The following GPR89A variants were observed in gnomAD, a reference collection of about 807,000 sequenced individuals.
GPR89A encodes G protein-coupled receptor 89A.
In GPR89A, 16 loss-of-function variants were observed where a neutral mutation model predicts 52.0. The observed-to-expected ratio is 0.31, with a 90% CI of 0.21 to 0.47. The LOEUF is 0.47. GPR89A is among the 20% of genes least tolerant of loss of function. The pLI, the probability that GPR89A is intolerant of heterozygous loss-of-function variation, is 1.00. For synonymous variants in GPR89A, 55 were observed against 150.9 expected (o/e 0.36, Z 4.66); for missense variants, 135 against 449.4 (o/e 0.30, Z 6.33).
intron 7 of GPR89A, among the ~76,000 whole-genome samples, chr1:145,637,806 C>A (rs1255869997): frequency 7.2e-5 from 11 of 152,136 alleles, no homozygotes; most frequent in African/African-American, 2.7e-4. Flanking sequence ...AGACTGAAAA[C>A]TACAGTAACA....
intron 10 of GPR89A, among the ~76,000 whole-genome samples, chr1:145,649,333 T>A (rs1336368079): frequency 2.0e-5 from 3 of 152,194 alleles, no homozygotes; most frequent in Non-Finnish European, 4.4e-5. Flanking sequence ...CGACTGCCAA[T>A]CTGCCTTCTC....
chr1:145,668,701 T>C, intron 12 of GPR89A, among the ~76,000 whole-genome samples: 1 of 152,126 alleles, frequency 6.6e-6, no homozygotes, highest in Non-Finnish European at 1.5e-5. Flanking sequence ...TGATATTGGC[T>C]GTGGGTTTGT....
At chr1:145,609,326 A>G (rs1648085683) in intron 1 of GPR89A, among the ~76,000 whole-genome samples, 1 of 152,240 alleles carries the variant, frequency 6.6e-6, no homozygotes, top group African/African-American at 2.4e-5. Context: ...CTTGTTTACA[A>G]TATTTAAGAA....
intron 3 of GPR89A, among the ~76,000 whole-genome samples, chr1:145,619,096 A>G (rs587671574): frequency 6.6e-6 from 1 of 152,256 alleles, no homozygotes; most frequent in South Asian, 2.1e-4. Flanking sequence ...TTTTATCACC[A>G]CCTGGAAAAA....
intron 10 of GPR89A, among the ~76,000 whole-genome samples, chr1:145,660,227 G>A (rs1652100684): frequency 6.6e-6 from 1 of 152,110 alleles, no homozygotes; most frequent in African/African-American, 2.4e-5. Flanking sequence ...AATAAATGGT[G>A]CTGGGAAAAC....
intron 8 of GPR89A, chr1:145,645,020 A>G (rs1650886603): frequency 6.6e-6 from 1 of 152,422 alleles, no homozygotes; most frequent in African/African-American, 2.4e-5. Flanking sequence ...TGTCAAATGA[A>G]GATAAGAATA....
chr1:145,613,433 T>G (rs1371198581), intron 1 of GPR89A, among the ~76,000 whole-genome samples: 1 of 152,190 alleles, frequency 6.6e-6, no homozygotes, highest in Non-Finnish European at 1.5e-5. Context: ...TCTACACTGT[T>G]GTTTCCTTCA....
At chr1:145,610,006 T>C (rs1648141037) in intron 1 of GPR89A, among the ~76,000 whole-genome samples, 2 of 152,186 alleles carry the variant, frequency 1.3e-5, no homozygotes, top group Admixed American at 1.3e-4. Context: ...TTCTTGGCAT[T>C]TATTACTATG....
intron 5 of GPR89A, among the ~76,000 whole-genome samples, chr1:145,626,947 T>TC (rs1306988466): frequency 0.95 from 98,563 of 103,282 alleles, 47,272 homozygotes; most frequent in Non-Finnish European, 0.99. Flanking sequence ...AGCGAGACTC[T>TC]ACAAAAAAAA....
At chr1:145,655,498 T>G (rs1315423743) in intron 10 of GPR89A, among the ~76,000 whole-genome samples, 4 of 152,154 alleles carry the variant, frequency 2.6e-5, no homozygotes, top group African/African-American at 9.7e-5. Context: ...GGTCTTTTTT[T>G]GTTGATGTTG....
intron 11 of GPR89A, among the ~76,000 whole-genome samples, chr1:145,664,732 C>CTT (rs1652441534): frequency 6.8e-6 from 1 of 146,748 alleles, no homozygotes; most frequent in African/African-American, 2.5e-5. Flanking sequence ...TTTAGCAATG[C>CTT]TTTTGCTTTT....
chr1:145,617,328 TG>T (rs1648782313), intron 2 of GPR89A, among the ~76,000 whole-genome samples: 1 of 152,208 alleles, frequency 6.6e-6, no homozygotes, highest in Non-Finnish European at 1.5e-5. Context: ...TATCTTTCCG[TG>T]TTCCCTGAAA....
intron 8 of GPR89A, chr1:145,645,360 T>A: frequency 2.9e-6 from 1 of 342,068 alleles, no homozygotes; most frequent in Non-Finnish European, 5.7e-6. Flanking sequence ...AGTATGTGCT[T>A]CTATTTTAGA....
intron 12 of GPR89A, among the ~76,000 whole-genome samples, chr1:145,667,552 C>A (rs1156883648): frequency 6.6e-6 from 1 of 152,136 alleles, no homozygotes; most frequent in East Asian, 1.9e-4. Flanking sequence ...GTTTCTTTTG[C>A]TGTGCAGAAG....
chr1:145,632,429 C>A (rs1649944541), intron 7 of GPR89A, among the ~76,000 whole-genome samples: 1 of 151,986 alleles, frequency 6.6e-6, no homozygotes, highest in Admixed American at 6.6e-5. Context: ...CCTCTGGTAA[C>A]CATCATTCTA....
chr1:145,615,136 T>C lies in GPR89A; in HGVS notation c.43-1098T>C, dbSNP rs1648579258. ...TCATGTGGCTACGGTCTCTGCCAGT[T>C]TGAAACAAAACTGACGAAAGAGGGA... On this transcript the variant is annotated intron_variant, in intron 1 of 13. Coordinates refer to ENST00000313835, the MANE Select transcript of GPR89A (RefSeq NM_001097612.2). Among the ~76,000 whole-genome samples the C allele has an allele frequency of 5.3e-5, 8 of 152,156 alleles. No homozygotes were observed. In the South Asian group the frequency reaches 1.7e-3, roughly 32 times the overall value.
intron 1 of GPR89A, chr1:145,611,458 C>G (rs1553686126): frequency 2.0e-5 from 3 of 151,344 alleles, no homozygotes; most frequent in African/African-American, 7.3e-5. Context: ...GTTTTCTGTT[C>G]TTGCATTAAT....
At chr1:145,659,454 G>A (rs1652040443) in intron 10 of GPR89A, among the ~76,000 whole-genome samples, 2 of 152,008 alleles carry the variant, frequency 1.3e-5, no homozygotes, top group Admixed American at 1.3e-4. Context: ...CAAAGTGCTA[G>A]GATTACAGGC....
rs587761899 is a variant in GPR89A, at chr1:145,616,371, T to C, written c.102+78T>C. On this transcript the variant is annotated intron_variant, in intron 2 of 13. Transcript: ENST00000313835. ...AAAAATGTCTCCATTAAAGAAACATTATGTTCATTTCCAAGATAGGAAGCT... is the reference window on the plus strand; with the variant it reads ...AAAAATGTCTCCATTAAAGAAACATCATGTTCATTTCCAAGATAGGAAGCT... 3 of 1,167,728 alleles carry C rather than the reference T, an allele frequency of 2.6e-6. No homozygotes were observed. In the South Asian group the frequency reaches 4.0e-5, roughly 16 times the overall value. The allele number at this position is 1,167,728 out of a possible 1,614,324, so 72.3% of individuals were successfully genotyped here.
Sources: allele counts gnomAD v4.1 joint callset (sites outside exome capture counted in the v4.1 genomes callset), GRCh38; gene constraint gnomAD v4.1.1; transcripts MANE v1.5; gene names NCBI Gene and HGNC (gene_info 2026-07-23, HGNC 2026-07-21).